The following NR3C2 variants were observed in gnomAD, a reference collection of about 807,000 sequenced individuals.
NR3C2 encodes the protein mineralocorticoid receptor.
Under a neutral mutation model 86.4 loss-of-function variants are expected in NR3C2, and 15 were observed. The ratio of observed to expected loss-of-function variants is 0.17; its 90% confidence interval spans 0.12 to 0.27. The LOEUF (loss-of-function observed/expected upper bound fraction) is 0.27. Ranked by LOEUF, NR3C2 falls within the 10% of genes least tolerant of loss-of-function variation. The probability of loss-of-function intolerance (pLI) is 1.00; values close to 1 mark genes in which losing one functional copy is unlikely to be tolerated. For synonymous variants in NR3C2, 458 were observed against 450.5 expected, an observed-to-expected ratio of 1.02 and a Z score of -0.21; for missense variants, 960 against 1,195.6, an observed-to-expected ratio of 0.80 and a Z score of 2.91.
intron 2 of NR3C2, among the ~76,000 whole-genome samples, chr4:148,333,923 T>G (rs1744355174): frequency 6.6e-6 from 1 of 152,232 alleles, no homozygotes; most frequent in African/African-American, 2.4e-5. Flanking sequence ...ACAAAAACCA[T>G]GTTATTTCTA....
intron 2 of NR3C2, among the ~76,000 whole-genome samples, chr4:148,277,577 T>C (rs1468776290): frequency 1.3e-5 from 2 of 152,162 alleles, no homozygotes; most frequent in Non-Finnish European, 2.9e-5. Flanking sequence ...ATGATCAGCC[T>C]GGGCAACACA....
At chr4:148,343,998 C>G (rs1226727659) in intron 2 of NR3C2, among the ~76,000 whole-genome samples, 1 of 152,076 alleles carries the variant, frequency 6.6e-6, no homozygotes, top group Admixed American at 6.6e-5. Flanking sequence ...CCTGACATAG[C>G]TTTAAATTAA....
At chr4:148,428,288 C>A (rs527259301) in intron 2 of NR3C2, among the ~76,000 whole-genome samples, 8 of 152,250 alleles carry the variant, frequency 5.3e-5, no homozygotes, top group Admixed American at 2.6e-4. Flanking sequence ...GATATTCCTG[C>A]CAAAGGTACA....
chr4:148,281,960 G>A (rs1407666755), intron 2 of NR3C2, among the ~76,000 whole-genome samples: 1 of 152,202 alleles, frequency 6.6e-6, no homozygotes, highest in Admixed American at 6.5e-5. Context: ...CTTGAAGTGG[G>A]CCTTGAAGCA....
intron 2 of NR3C2, among the ~76,000 whole-genome samples, chr4:148,382,059 C>T (rs398088732): frequency 5.3e-5 from 8 of 152,134 alleles, no homozygotes; most frequent in Non-Finnish European, 1.0e-4. Context: ...TTAAATTCAC[C>T]GGTACGTAAA....
intron 2 of NR3C2, among the ~76,000 whole-genome samples, chr4:148,369,102 T>C (rs1746288418): frequency 6.6e-6 from 1 of 152,252 alleles, no homozygotes; most frequent in Non-Finnish European, 1.5e-5. Context: ...GGGCTGGGGC[T>C]GGTCACACTT....
intron 4 of NR3C2, among the ~76,000 whole-genome samples, chr4:148,184,357 G>A (rs1341044222): frequency 6.6e-6 from 1 of 151,692 alleles, no homozygotes; most frequent in African/African-American, 2.4e-5. Context: ...TACTCGGGAG[G>A]CTGAGGCAGG....
At chr4:148,217,604 T>C (rs547886841) in intron 3 of NR3C2, among the ~76,000 whole-genome samples, 5 of 152,348 alleles carry the variant, frequency 3.3e-5, no homozygotes, top group African/African-American at 1.2e-4. Flanking sequence ...CCATCTTTTC[T>C]TTTTGCTGAC....
chr4:148,306,239 A>T (rs1490198206), intron 2 of NR3C2, among the ~76,000 whole-genome samples: 1 of 152,268 alleles, frequency 6.6e-6, no homozygotes, highest in Non-Finnish European at 1.5e-5. Context: ...ACAGGGTCTT[A>T]GATGTACCCC....
At chr4:148,171,587 T>C (rs1265901382) in intron 4 of NR3C2, among the ~76,000 whole-genome samples, 5 of 152,184 alleles carry the variant, frequency 3.3e-5, no homozygotes, top group African/African-American at 9.6e-5. Context: ...CAGTTCACAA[T>C]AGGGTTCGTG....
At chr4:148,380,298 C>T (rs543035982) in intron 2 of NR3C2, among the ~76,000 whole-genome samples, 4 of 152,288 alleles carry the variant, frequency 2.6e-5, no homozygotes, top group African/African-American at 7.2e-5. Context: ...AGTACTTCAT[C>T]CACTTTTATG....
At chr4:148,234,204 G>A (rs1228685940) in intron 3 of NR3C2, among the ~76,000 whole-genome samples, 6 of 152,190 alleles carry the variant, frequency 3.9e-5, no homozygotes, top group Non-Finnish European at 8.8e-5. Flanking sequence ...TGAATACACT[G>A]TAACAATATG....
At chr4:148,081,609 C>T (rs61763145) in intron 8 of NR3C2, 110 bp from the exon 9 acceptor site, 77 of 1,454,582 alleles carry the variant, frequency 5.3e-5, no homozygotes, top group Non-Finnish European at 7.0e-5. Context: ...GAAAGCCTCC[C>T]AGGAGACCAT....
chr4:148,357,996 G>A (rs995985673), intron 2 of NR3C2, among the ~76,000 whole-genome samples: 11 of 152,034 alleles, frequency 7.2e-5, no homozygotes, highest in Middle Eastern at 3.2e-3. Context: ...ACTTAACTAC[G>A]TGTTCCTAAC....
At position 148,394,093 on chromosome 4, in the gene NR3C2, CAGAG is replaced by C. The variant is rs1747732504; in HGVS notation, c.1757+41007_1757+41010del. ...TAGGTTACTAAATAGTGAAAGAACA[CAGAG>C]AGAAAAGGGCCTGCCTAGCAACTGC... On this transcript the variant is annotated intron_variant, in intron 2 of 8. Coordinates refer to ENST00000358102, the MANE Select transcript of NR3C2 (RefSeq NM_000901.5). Among the ~76,000 whole-genome samples, 3 of 150,888 alleles carry C rather than the reference CAGAG, an allele frequency of 2.0e-5. No homozygotes were observed. In the South Asian group the frequency reaches 6.3e-4, roughly 32 times the overall value.
At chr4:148,191,003 G>T (rs1435450992) in intron 4 of NR3C2, among the ~76,000 whole-genome samples, 3 of 151,958 alleles carry the variant, frequency 2.0e-5, no homozygotes, top group Admixed American at 2.0e-4. Context: ...AAGTACCGTT[G>T]CATTCATCAT....
In NR3C2 at chr4:148,176,160, G is replaced by A. The variant is rs187325405; in HGVS notation, c.2014+18586C>T. Among the ~76,000 whole-genome samples, 3 of 152,316 alleles carry A rather than the reference G, an allele frequency of 2.0e-5. No individual in the cohort carries two copies. The East Asian group carries it at 5.8e-4, about 29-fold the overall frequency. On this transcript the variant is annotated intron_variant, in intron 4 of 8. Transcript: ENST00000358102. ...CTAGAAAGAGGTTACCCTACTCTTAGCCTGCCTCCCAGGCATTTCCTAGTA... is the reference window on the plus strand; with the variant it reads ...CTAGAAAGAGGTTACCCTACTCTTAACCTGCCTCCCAGGCATTTCCTAGTA...
At chr4:148,138,464 C>T (rs1360484634) in intron 6 of NR3C2, among the ~76,000 whole-genome samples, 2 of 152,038 alleles carry the variant, frequency 1.3e-5, no homozygotes, top group Non-Finnish European at 2.9e-5. Flanking sequence ...TCACTGTGGC[C>T]TCAACTTCCC....
chr4:148,310,961 C>T (rs1010517835), intron 2 of NR3C2, among the ~76,000 whole-genome samples: 13 of 152,166 alleles, frequency 8.5e-5, no homozygotes, highest in African/African-American at 2.4e-4. Flanking sequence ...CAGAGACCTT[C>T]ACAGTCTAAA....
Sources: allele counts gnomAD v4.1 joint callset (sites outside exome capture counted in the v4.1 genomes callset), GRCh38; gene constraint gnomAD v4.1.1; transcripts MANE v1.5; gene names NCBI Gene and HGNC (gene_info 2026-07-23, HGNC 2026-07-21).